The following ZNF571 variants were observed in gnomAD, a reference collection of about 807,000 sequenced individuals.
ZNF571 encodes zinc finger protein 571.
ZNF571 carries 4 observed loss-of-function variants against 7.7 expected under a neutral mutation model. The observed-to-expected ratio is 0.52, with a 90% CI of 0.25 to 1.18. The LOEUF is 1.18. ZNF571 is among the 50% of genes most tolerant of loss of function. The probability of loss-of-function intolerance (pLI) is 0.14; values close to 1 mark genes in which losing one functional copy is unlikely to be tolerated. For missense variants in ZNF571, 704 were observed against 726.9 expected (o/e 0.97, Z 0.36); for synonymous variants, 251 against 232.4 (o/e 1.08, Z -0.73).
At position 37,590,955 on chromosome 19, in the gene ZNF571, C is replaced by T. The variant is rs912509425; in HGVS notation, c.-70+3786G>A. ...AACAATTATATTTTAGAATAAAGAA[C>T]GTAAATTATATTAATGTTTTAGCAA... On this transcript the variant is annotated intron_variant, in intron 1 of 3. Transcript: ENST00000451802. Among the ~76,000 whole-genome samples, 10 of 152,094 alleles carry T rather than the reference C, an allele frequency of 6.6e-5. No homozygotes were observed. The South Asian group carries it at 8.3e-4, about 13-fold the overall frequency.
In ZNF571 at chr19:37,593,115, CTTATTG is replaced by C. The variant is rs1293255457; in HGVS notation, c.-70+1620_-70+1625del. Among the ~76,000 whole-genome samples, 24 of 151,388 alleles carry C rather than the reference CTTATTG, an allele frequency of 1.6e-4. No individual in the cohort carries two copies. The East Asian group carries it at 4.5e-3, about 28-fold the overall frequency. ...TAAGAAACAAATTTATTGTTTTAAA[CTTATTG>C]TTAGTTTTTTTTTTTATGTTGGTAT... On this transcript the variant is annotated intron_variant, in intron 1 of 3. Coordinates refer to ENST00000451802, the MANE Select transcript of ZNF571 (RefSeq NM_016536.5).
intron 3 of ZNF571, among the ~76,000 whole-genome samples, chr19:37,579,803 A>G (rs1043878549): frequency 6.6e-5 from 10 of 152,172 alleles, no homozygotes; most frequent in Non-Finnish European, 1.2e-4. Context: ...TCACCATACT[A>G]CTGACAGACC....
At position 37,564,621 on chromosome 19, in the gene ZNF571, G is replaced by T; in HGVS notation, c.1807C>A (p.Gln603Lys). 1 of 1,548,782 alleles carries T rather than the reference G, an allele frequency of 6.5e-7. No homozygotes were observed. The highest frequency in any genetic ancestry group is 8.7e-7 in the Non-Finnish European group (1 of 1,148,600). ...KDFRCPSQLT[Q>K]HTRLHN ...TCTCAATTATGAAGCCTTGTATGTT[G>T]AGTAAGTTGTGAAGGACATCTAAAG... The change falls in exon 4 of 4, where the codon CAA becomes AAA. Residue 603 changes from glutamine (Q) to lysine (K), a missense_variant. Physicochemically the swap from Gln to Lys is moderately conservative, Grantham distance 53. Transcript: ENST00000451802.
chr19:37,568,260 T>C (rs1257134318), intron 3 of ZNF571, among the ~76,000 whole-genome samples: 3 of 151,776 alleles, frequency 2.0e-5, no homozygotes, highest in African/African-American at 7.3e-5. Flanking sequence ...CCTCCAAAAC[T>C]TGAGAAAACA....
At position 37,565,009 on chromosome 19, in the gene ZNF571, A is replaced by G; in HGVS notation, c.1419T>C (p.His473=). The G allele has an allele frequency of 6.2e-7, 1 of 1,613,590 alleles. No homozygotes were observed. Among genetic ancestry groups the G allele is most frequent in the South Asian group, 1.1e-5 (1 of 91,046 alleles). Reference sequence around the variant, plus strand: ...TCTTCCCACATTCCTTACATTCATAATGTTTCTCACCATGAATTTTCTCAT... The same window carrying G: ...TCTTCCCACATTCCTTACATTCATAGTGTTTCTCACCATGAATTTTCTCAT... The part of the protein sequence containing the change: ...TQHEKIHGEK[H]YECKECGKTF... Residue 473 remains histidine, a synonymous_variant, in exon 4 of 4, where the codon CAT becomes CAC. Transcript: ENST00000451802.
intron 3 of ZNF571, among the ~76,000 whole-genome samples, chr19:37,571,428 G>A (rs2043047669): frequency 6.6e-6 from 1 of 150,914 alleles, no homozygotes; most frequent in African/African-American, 2.4e-5. Context: ...CCCAGGAAGT[G>A]GAGGTTGCAG....
At position 37,565,318 on chromosome 19, in the gene ZNF571, C is replaced by A. The variant is rs2042813975; in HGVS notation, c.1110G>T (p.Lys370Asn). ...TAAGTTGTGAGCCACGAAAAAAGGT[C>A]TTCCCGCATTCTTTACATTCATAGG... ...EKPYECKECG[K>N]TFFRGSQLTY... The change falls in exon 4 of 4, where the codon AAG becomes AAT. Residue 370 changes from lysine (K) to asparagine (N), a missense_variant. Coordinates refer to ENST00000451802, the MANE Select transcript of ZNF571 (RefSeq NM_016536.5). 6.2e-7 allele frequency: 1 copy of A among 1,611,998 alleles called. No individual in the cohort carries two copies. Among genetic ancestry groups the A allele is most frequent in the African/African-American group, 1.3e-5 (1 of 74,940 alleles).
At chr19:37,575,251 G>C (rs571567923) in intron 3 of ZNF571, among the ~76,000 whole-genome samples, 1 of 152,158 alleles carries the variant, frequency 6.6e-6, no homozygotes, top group South Asian at 2.1e-4. Context: ...TAATGTACTA[G>C]TACTATTATG....
Position 37,566,072 on chromosome 19 carries a change from G to A in ZNF571, c.356C>T (p.Thr119Ile). ...AGTAGAAGAGGTTGAATGACTTTCA[G>A]TGGCCTTTTCTTCACAGGTAATTTT... ...CVKITCEEKA[T>I]ESHSTSSTFH... Residue 119 changes from threonine to isoleucine, a missense_variant, in exon 4 of 4, where the codon ACT (threonine) becomes ATT (isoleucine). Coordinates refer to ENST00000451802, the MANE Select transcript of ZNF571 (RefSeq NM_016536.5). 6.2e-7 allele frequency: 1 copy of A among 1,614,074 alleles called. No homozygotes were observed. Among genetic ancestry groups the A allele is most frequent in the Admixed American group, 1.7e-5 (1 of 60,010 alleles).
chr19:37,564,370 G>A lies in ZNF571; in HGVS notation c.*228C>T, dbSNP rs964778157. The A allele has an allele frequency of 5.4e-6, 2 of 370,884 alleles. No homozygotes were observed. Among genetic ancestry groups the A allele is most frequent in the Non-Finnish European group, 9.5e-6 (2 of 209,494 alleles). 23.0% of individuals were successfully genotyped at this position (370,884 alleles called of 1,614,324 possible). On this transcript the variant is annotated 3_prime_UTR_variant, in exon 4 of 4. Transcript: ENST00000451802. ...ATATATAGGATTTCAGTTAGGATAT[G>A]GTGAAATGGAGATGATGCTTAATAA...
intron 1 of ZNF571, chr19:37,593,985 T>A (rs773618675): frequency 2.0e-5 from 3 of 152,154 alleles, no homozygotes; most frequent in Non-Finnish European, 2.9e-5. Flanking sequence ...ATTCTTTTCC[T>A]CTGGGTGCCT....
chr19:37,590,431 G>GA (rs142347588), intron 1 of ZNF571, among the ~76,000 whole-genome samples: 7 of 149,620 alleles, frequency 4.7e-5, no homozygotes, highest in East Asian at 3.9e-4. Flanking sequence ...AAAAGAAGAA[G>GA]AAAAAAAAAG....
Position 37,566,150 on chromosome 19 carries a change from T to A in ZNF571, c.278A>T (p.Lys93Ile), listed in dbSNP as rs527671578. 6.8e-6 allele frequency: 11 copies of A among 1,613,896 alleles called. No individual in the cohort carries two copies. Among genetic ancestry groups the A allele is most frequent in the Non-Finnish European group, 9.3e-6 (11 of 1,179,932 alleles). Reference sequence around the variant, plus strand: ...TGCTTCTTGACCCTCTAAGTTGCCTTTGCACTCCATATTGTCTCCAAGACC... The same window carrying A: ...TGCTTCTTGACCCTCTAAGTTGCCTATGCACTCCATATTGTCTCCAAGACC... The part of the protein sequence containing the change: ...YNGLGDNMEC[K>I]GNLEGQEASQ... The change falls in exon 4 of 4, where the codon AAA becomes ATA. Residue 93 changes from lysine (K) to isoleucine (I), a missense_variant. Physicochemically the swap from Lys to Ile is moderately radical, Grantham distance 102 (BLOSUM62 -3). Coordinates refer to ENST00000451802, the MANE Select transcript of ZNF571 (RefSeq NM_016536.5).
At chr19:37,566,973 T>G (rs886249068) in intron 3 of ZNF571, among the ~76,000 whole-genome samples, 4 of 152,096 alleles carry the variant, frequency 2.6e-5, no homozygotes, top group African/African-American at 9.7e-5. Context: ...CACTTACCAC[T>G]CCCCTAATTA....
chr19:37,583,847 G>A (rs1248512819), intron 3 of ZNF571, 124 bp downstream of exon 3: 6 of 926,286 alleles, frequency 6.5e-6, no homozygotes, highest in Non-Finnish European at 9.9e-6. Flanking sequence ...ACACGGTGGA[G>A]CTGTCCATTT....
Position 37,584,052 on chromosome 19 carries a change from C to G in ZNF571, c.55G>C (p.Glu19Gln), listed in dbSNP as rs1300189568. 1 of 1,614,130 alleles carries G rather than the reference C, an allele frequency of 6.2e-7. No individual in the cohort carries two copies. ...TGAGCAGGGTCCAGGCATTCCCATT[C>G]CTCCTGAGAGAAGTCAATGGCCACA... ...RDVAIDFSQE[E>Q]WECLDPAQRD... is the part of the protein sequence containing the mutation. Residue 19 changes from glutamate to glutamine, a missense_variant, in exon 3 of 4, where the codon GAA becomes CAA. Physicochemically the swap from Glu to Gln is conservative, Grantham distance 29 (BLOSUM62 2). Transcript: ENST00000451802.
chr19:37,574,610 T>C (rs998576417), intron 3 of ZNF571, among the ~76,000 whole-genome samples: 1 of 152,180 alleles, frequency 6.6e-6, no homozygotes, highest in African/African-American at 2.4e-5. Context: ...CCTTCTAGGT[T>C]TCTTCCCAAC....
At chr19:37,589,192 C>A (rs1337856237) in intron 1 of ZNF571, among the ~76,000 whole-genome samples, 2 of 117,070 alleles carry the variant, frequency 1.7e-5, no homozygotes, top group Non-Finnish European at 3.5e-5. Context: ...AAGAGCCAAA[C>A]TCCGTCTCAA....
At chr19:37,571,293 G>A (rs2045911) in intron 3 of ZNF571, among the ~76,000 whole-genome samples, 26,071 of 151,996 alleles carry the variant, frequency 0.17, 2,490 homozygotes, top group Middle Eastern at 0.3. Flanking sequence ...TCGGGAGTTT[G>A]AGACCAGCCT....
Sources: gnomAD v4.1 joint callset for allele counts (sites outside exome capture counted in the v4.1 genomes callset) on GRCh38, gnomAD v4.1.1 for gene constraint, MANE v1.5 for transcripts, NCBI Gene and HGNC (gene_info 2026-07-23, HGNC 2026-07-21) for gene names.